The following YTHDC2 variants were observed in gnomAD, a reference collection of about 807,000 sequenced individuals.
YTHDC2 encodes 3'-5' RNA helicase YTHDC2.
YTHDC2 carries 45 observed loss-of-function variants against 174.9 expected under a neutral mutation model. The observed-to-expected ratio is 0.26, with a 90% CI of 0.20 to 0.33. The LOEUF is 0.33. YTHDC2 is among the 10% of genes least tolerant of loss of function. The pLI, the probability that YTHDC2 is intolerant of heterozygous loss-of-function variation, is 1.00. For missense variants in YTHDC2, 1,650 were observed against 1,723.7 expected (o/e 0.96, Z 0.76); for synonymous variants, 657 against 574.5 (o/e 1.14, Z -2.05).
In YTHDC2 at chr5:113,542,377, G is replaced by A. The variant is rs1398524422; in HGVS notation, c.1369G>A (p.Asp457Asn). Residue 457 changes from aspartate (D) to asparagine (N), a missense_variant, in exon 10 of 30, where the codon GAT (aspartate) becomes AAT (asparagine). Coordinates refer to ENST00000161863, the MANE Select transcript of YTHDC2 (RefSeq NM_022828.5). ...TTACTGTTTTTTGTAGACTGAAAAA[G>A]ATGTGAATTGCCTTGAACCATGGTT... ...DAVFSQLTEK[D>N]VNCLEPWLIK... 1.2e-6 allele frequency: 2 copies of A among 1,605,688 alleles called. No individual in the cohort carries two copies. The highest frequency in any genetic ancestry group is 2.3e-5 in the South Asian group (2 of 87,806).
rs191618048 is a variant in YTHDC2, at chr5:113,545,608, G to A, written c.1496-2933G>A. On this transcript the variant is annotated intron_variant, in intron 10 of 29. Transcript: ENST00000161863. ...TTTTGTTGAAGAGCTGGCCAGGCTG[G>A]CTTTGAACTTCTGGGCTCAAGCGAC... 1.2e-3 allele frequency among the ~76,000 whole-genome samples: 188 copies of A among 152,156 alleles called. 1 individual carries two copies. The highest frequency in any genetic ancestry group is 4.3e-3 in the African/African-American group (179 of 41,508).
At chr5:113,570,852 C>G (rs1450156382) in intron 23 of YTHDC2, among the ~76,000 whole-genome samples, 1 of 152,080 alleles carries the variant, frequency 6.6e-6, no homozygotes, top group African/African-American at 2.4e-5. Flanking sequence ...TGGCATTTCA[C>G]CATGTTGGCC....
intron 19 of YTHDC2, 129 bp downstream of exon 19, chr5:113,563,621 C>A: frequency 9.0e-7 from 1 of 1,110,242 alleles, no homozygotes; most frequent in Non-Finnish European, 1.2e-6. Flanking sequence ...TCCAGATAAA[C>A]TAATTTTGTA....
intron 12 of YTHDC2, among the ~76,000 whole-genome samples, chr5:113,549,834 A>G (rs929451993): frequency 6.6e-6 from 1 of 152,060 alleles, no homozygotes; most frequent in African/African-American, 2.4e-5. Flanking sequence ...ACCAGAATGT[A>G]GTAAGCTTAT....
In YTHDC2 at chr5:113,545,961, C is replaced by T. The variant is rs1281067650; in HGVS notation, c.1496-2580C>T. ...TTCACCGTTTTAGCCGGGATGGTCT[C>T]GATCTCCTGACCTCGTGATCCGCCC... On this transcript the variant is annotated intron_variant, in intron 10 of 29. Coordinates refer to ENST00000161863, the MANE Select transcript of YTHDC2 (RefSeq NM_022828.5). Among the ~76,000 whole-genome samples, 13 of 116,580 alleles carry T rather than the reference C, an allele frequency of 1.1e-4. 4 individuals carry two copies. The highest frequency in any genetic ancestry group is 5.4e-4 in the African/African-American group (12 of 22,260). 76.5% of individuals were successfully genotyped at this position (116,580 alleles called of 152,430 possible). A position where few individuals can be genotyped will look rare whatever the true frequency, so the allele number is the denominator to read the frequency against.
At chr5:113,591,695 C>T (rs567036333) in intron 27 of YTHDC2, among the ~76,000 whole-genome samples, 5 of 152,026 alleles carry the variant, frequency 3.3e-5, no homozygotes, top group East Asian at 1.9e-4. Flanking sequence ...GAAATGAAAG[C>T]TTAGAGGTTA....
At chr5:113,526,147 G>A (rs577118386) in intron 3 of YTHDC2, among the ~76,000 whole-genome samples, 12 of 151,868 alleles carry the variant, frequency 7.9e-5, no homozygotes, top group Non-Finnish European at 1.6e-4. Flanking sequence ...TAATGTACGT[G>A]ACAGATCTTA....
intron 2 of YTHDC2, among the ~76,000 whole-genome samples, chr5:113,516,756 A>G (rs996967218): frequency 6.6e-6 from 1 of 152,318 alleles, no homozygotes; most frequent in Admixed American, 6.5e-5. Flanking sequence ...AGGGAAAACA[A>G]AACTTTATTA....
chr5:113,562,369 C>T (rs1249908789), intron 18 of YTHDC2, among the ~76,000 whole-genome samples: 1 of 150,640 alleles, frequency 6.6e-6, no homozygotes, highest in South Asian at 2.1e-4. Flanking sequence ...TTATTTGATT[C>T]TTTAGTGTGT....
chr5:113,514,246 G>A (rs1773237912), intron 1 of YTHDC2, 164 bp downstream of exon 1: 2 of 837,480 alleles, frequency 2.4e-6, no homozygotes, highest in Non-Finnish European at 3.9e-6. Context: ...GGTCTGGAAC[G>A]CGGCTGTTGG....
chr5:113,551,909 G>A (rs899774610), intron 12 of YTHDC2, among the ~76,000 whole-genome samples: 1 of 152,122 alleles, frequency 6.6e-6, no homozygotes, highest in Non-Finnish European at 1.5e-5. Flanking sequence ...AGTGATAGCA[G>A]TAGTTTACAT....
At chr5:113,585,388 C>A (rs1172237828) in intron 26 of YTHDC2, among the ~76,000 whole-genome samples, 1 of 151,946 alleles carries the variant, frequency 6.6e-6, no homozygotes, top group Non-Finnish European at 1.5e-5. Context: ...GCGAATGTGC[C>A]TGTTGAAATA....
At chr5:113,542,223 T>G in intron 9 of YTHDC2, 145 bp from the exon 10 acceptor site, 1 of 781,384 alleles carries the variant, frequency 1.3e-6, no homozygotes, top group East Asian at 2.7e-5. Context: ...ATGTTTGTGA[T>G]GAAAGGAGAA....
intron 9 of YTHDC2, 127 bp from the exon 10 acceptor site, chr5:113,542,241 A>G (rs759705329): frequency 5.2e-6 from 5 of 953,398 alleles, no homozygotes; most frequent in Non-Finnish European, 7.9e-6. Context: ...GAAATTTTTT[A>G]TGTCAAAGCA....
chr5:113,584,773 C>CTTTTT (rs34217644), intron 26 of YTHDC2, among the ~76,000 whole-genome samples: 42 of 95,720 alleles, frequency 4.4e-4, no homozygotes, highest in African/African-American at 1.2e-3. Flanking sequence ...CTTTCGAATC[C>CTTTTT]TTTTTTTTTT....
At chr5:113,535,839 A>T in intron 7 of YTHDC2, 41 bp downstream of exon 7, 1 of 1,498,610 alleles carries the variant, frequency 6.7e-7, no homozygotes, top group African/African-American at 1.4e-5. Context: ...TTTTTATGAA[A>T]GAACACTTTT....
chr5:113,592,398 TTC>T (rs1185023362), intron 28 of YTHDC2: 6 of 391,908 alleles, frequency 1.5e-5, no homozygotes, highest in Non-Finnish European at 2.7e-5. Flanking sequence ...AGTATTTAAC[TTC>T]TCTTTGGCTT....
chr5:113,516,604 C>T (rs1773442305), intron 2 of YTHDC2, among the ~76,000 whole-genome samples: 1 of 152,114 alleles, frequency 6.6e-6, no homozygotes, highest in East Asian at 1.9e-4. Context: ...ACACTCCTAA[C>T]CCCAGTTGTG....
At chr5:113,522,690 T>C (rs2112539536) in intron 2 of YTHDC2, among the ~76,000 whole-genome samples, 1 of 152,300 alleles carries the variant, frequency 6.6e-6, no homozygotes, top group East Asian at 1.9e-4. Context: ...TCTCAATTTG[T>C]TAGTTTACGT....
Sources: gnomAD v4.1 joint callset for allele counts (sites outside exome capture counted in the v4.1 genomes callset) on GRCh38, gnomAD v4.1.1 for gene constraint, MANE v1.5 for transcripts, NCBI Gene and HGNC (gene_info 2026-07-23, HGNC 2026-07-21) for gene names.